ADAMTSL3: variants seen among roughly 807,000 people sequenced by gnomAD.
The protein encoded by ADAMTSL3 is ADAMTS-like protein 3.
In ADAMTSL3, 128 loss-of-function variants were observed where a neutral mutation model predicts 201.7. The ratio of observed to expected loss-of-function variants is 0.63; its 90% confidence interval spans 0.55 to 0.73. The LOEUF (loss-of-function observed/expected upper bound fraction) is 0.73, where lower values mean the gene tolerates loss of function less well. Among genes scored for constraint, ADAMTSL3 ranks in the 30% least tolerant of loss-of-function variants. The pLI is 0.00. For synonymous variants in ADAMTSL3, 738 were observed against 748.4 expected (o/e 0.99, Z 0.23); for missense variants, 1,990 against 2,119.6 (o/e 0.94, Z 1.20).
At chr15:83,701,982 T>A (rs2061784665) in intron 2 of ADAMTSL3, among the ~76,000 whole-genome samples, 1 of 152,198 alleles carries the variant, frequency 6.6e-6, no homozygotes, top group South Asian at 2.1e-4. Context: ...AGAGACTTGT[T>A]GATTGCCTTT....
chr15:83,878,000 A>C (rs955590979), intron 9 of ADAMTSL3, among the ~76,000 whole-genome samples: 2 of 152,204 alleles, frequency 1.3e-5, no homozygotes, highest in Non-Finnish European at 2.9e-5. Context: ...GACATCTGCA[A>C]ATAATGAAGA....
At chr15:83,734,566 T>G (rs888864962) in intron 3 of ADAMTSL3, among the ~76,000 whole-genome samples, 7 of 152,192 alleles carry the variant, frequency 4.6e-5, no homozygotes, top group Non-Finnish European at 1.0e-4. Context: ...CCAGCACTTG[T>G]GTGCCTGCTT....
intron 2 of ADAMTSL3, among the ~76,000 whole-genome samples, chr15:83,667,517 G>GTTTT (rs35255014): frequency 3.1e-4 from 37 of 120,340 alleles, no homozygotes; most frequent in African/African-American, 1.1e-3. Flanking sequence ...AATTATGAAG[G>GTTTT]TTTTTTTTTT....
chr15:83,671,638 T>C (rs181529445), intron 2 of ADAMTSL3, among the ~76,000 whole-genome samples: 1 of 152,330 alleles, frequency 6.6e-6, no homozygotes, highest in African/African-American at 2.4e-5. Context: ...TATTTGACAA[T>C]AAATTATATT....
chr15:83,942,696 C>T lies in ADAMTSL3; in HGVS notation c.2218C>T (p.Pro740Ser), dbSNP rs780250062. The change falls in exon 18 of 30, where the codon CCT (proline) becomes TCT (serine). Residue 740 changes from proline to serine, a missense_variant. Physicochemically the swap from Pro to Ser is moderately conservative, Grantham distance 74. Transcript: ENST00000286744. ...CLHPGETPAP[P>S]EECRDEKPHA... ...GCACCCAGGGGAGACCCCTGCCCCTCCTGAGGAGTGCCGAGATGAAAAGCC... is the reference window on the plus strand; with the variant it reads ...GCACCCAGGGGAGACCCCTGCCCCTTCTGAGGAGTGCCGAGATGAAAAGCC... 3 of 1,614,136 alleles carry T rather than the reference C, an allele frequency of 1.9e-6. No individual in the cohort carries two copies. The highest frequency in any genetic ancestry group is 1.7e-5 in the Admixed American group (1 of 60,030).
At chr15:83,817,623 A>G (rs72746959) in intron 5 of ADAMTSL3, among the ~76,000 whole-genome samples, 14,078 of 152,280 alleles carry the variant, frequency 0.092, 816 homozygotes, top group East Asian at 0.25. Context: ...TTCACTATGA[A>G]GTTTAATAGT....
chr15:83,704,540 CTTTGCTG>C, intron 3 of ADAMTSL3, 32 bp downstream of exon 3: 1 of 1,605,624 alleles, frequency 6.2e-7, no homozygotes, highest in Non-Finnish European at 8.5e-7. Context: ...CTACCTTTGG[CTTTGCTG>C]TTTGCCAGTG....
chr15:83,842,116 C>T (rs1387411769), intron 7 of ADAMTSL3, among the ~76,000 whole-genome samples: 1 of 150,604 alleles, frequency 6.6e-6, no homozygotes, highest in African/African-American at 2.4e-5. Context: ...AAACCTTGCA[C>T]TCATTCTCCA....
intron 3 of ADAMTSL3, among the ~76,000 whole-genome samples, chr15:83,763,626 T>A (rs1009248876): frequency 1.3e-5 from 2 of 151,556 alleles, no homozygotes; most frequent in African/African-American, 4.9e-5. Flanking sequence ...GGCCTCAGCC[T>A]CCTGAGTAGC....
At chr15:83,705,771 A>G (rs2061842055) in intron 3 of ADAMTSL3, among the ~76,000 whole-genome samples, 1 of 152,078 alleles carries the variant, frequency 6.6e-6, no homozygotes, top group Non-Finnish European at 1.5e-5. Flanking sequence ...TTCATTCCAG[A>G]GCTGGGACTG....
rs560535921 is a variant in ADAMTSL3 at position 83,708,869 on chromosome 15, T to A, written c.189+4361T>A. Among the ~76,000 whole-genome samples, 90 of 152,324 alleles carry A rather than the reference T, an allele frequency of 5.9e-4. 1 individual carries two copies. Among genetic ancestry groups the A allele is most frequent in the African/African-American group, 2.1e-3 (88 of 41,568 alleles). On this transcript the variant is annotated intron_variant, in intron 3 of 29. Transcript: ENST00000286744. ...TGGAGACTTTGGCCCAAGTGCCTCA[T>A]TCTACAAGTCAAGAAAACAGAGACG...
chr15:83,976,600 G>A (rs1026781880), intron 20 of ADAMTSL3, among the ~76,000 whole-genome samples: 1 of 151,782 alleles, frequency 6.6e-6, no homozygotes, highest in Non-Finnish European at 1.5e-5. Context: ...ATGAGAGACA[G>A]AGACACATCA....
intron 3 of ADAMTSL3, among the ~76,000 whole-genome samples, chr15:83,725,968 G>A (rs1448983786): frequency 6.6e-6 from 1 of 152,040 alleles, no homozygotes; most frequent in Non-Finnish European, 1.5e-5. Context: ...CATTTAATCT[G>A]TAGATGACTT....
At chr15:83,886,614 GTATGGTCTTGTT>G (rs1239230483) in intron 10 of ADAMTSL3, among the ~76,000 whole-genome samples, 1 of 152,090 alleles carries the variant, frequency 6.6e-6, no homozygotes, top group Non-Finnish European at 1.5e-5. Flanking sequence ...ACAGGCTCAG[GTATGGTCTTGTT>G]TGAAGAGCTA....
intron 3 of ADAMTSL3, among the ~76,000 whole-genome samples, chr15:83,736,588 C>T (rs1419603958): frequency 3.3e-5 from 5 of 152,168 alleles, no homozygotes; most frequent in Non-Finnish European, 5.9e-5. Flanking sequence ...GTGGTGGAAG[C>T]CATTCTGAGA....
chr15:83,859,784 T>G (rs1322947967), intron 8 of ADAMTSL3, among the ~76,000 whole-genome samples: 1 of 152,242 alleles, frequency 6.6e-6, no homozygotes, highest in Admixed American at 6.5e-5. Context: ...TTTTCTGTTC[T>G]CATACCCCAA....
Position 84,038,558 on chromosome 15 carries a change from T to C in ADAMTSL3, c.*752T>C, listed in dbSNP as rs997611014. 1 of 152,648 alleles carries C rather than the reference T, an allele frequency of 6.6e-6. No individual in the cohort carries two copies. The highest frequency in any genetic ancestry group is 1.5e-5 in the Non-Finnish European group (1 of 68,034). The allele number at this position is 152,648 out of a possible 1,614,324, so 9.5% of individuals were successfully genotyped here. A position where few individuals can be genotyped will look rare whatever the true frequency, so the allele number is the denominator to read the frequency against. ...TCGTAGTATATTCAGAGCTTTCTTTTAAGAGCTGTGAATGAAACTTTTTCT... is the reference window on the plus strand; with the variant it reads ...TCGTAGTATATTCAGAGCTTTCTTTCAAGAGCTGTGAATGAAACTTTTTCT... On this transcript the variant is annotated 3_prime_UTR_variant, in exon 30 of 30. Coordinates refer to ENST00000286744, the MANE Select transcript of ADAMTSL3 (RefSeq NM_207517.3).
intron 2 of ADAMTSL3, among the ~76,000 whole-genome samples, chr15:83,667,346 G>A (rs1033275247): frequency 6.6e-6 from 1 of 151,928 alleles, no homozygotes; most frequent in Non-Finnish European, 1.5e-5. Context: ...TAAGTTTTTG[G>A]TCACATTCCA....
intron 21 of ADAMTSL3, among the ~76,000 whole-genome samples, chr15:83,987,093 A>G (rs1174412889): frequency 6.6e-6 from 1 of 152,270 alleles, no homozygotes; most frequent in Non-Finnish European, 1.5e-5. Context: ...TATATATGAA[A>G]TAATTTAAGA....
Sources: allele counts gnomAD v4.1 joint callset (sites outside exome capture counted in the v4.1 genomes callset), GRCh38; gene constraint gnomAD v4.1.1; transcripts MANE v1.5; gene names NCBI Gene and HGNC (gene_info 2026-07-23, HGNC 2026-07-21).